NHLRC2: variants seen among roughly 807,000 people sequenced by gnomAD.
The protein encoded by NHLRC2 is NHL repeat containing 2, also known as NHL repeat-containing protein 2.
In NHLRC2, 33 loss-of-function variants were observed where a neutral mutation model predicts 68.1. The observed-to-expected ratio is 0.48, with a 90% CI of 0.37 to 0.65. The LOEUF (loss-of-function observed/expected upper bound fraction) is 0.65. Ranked by LOEUF, NHLRC2 falls within the 30% of genes least tolerant of loss-of-function variation. NHLRC2 has a pLI of 0.00. For synonymous variants in NHLRC2, 311 were observed against 309.6 expected (o/e 1.00, Z -0.05); for missense variants, 761 against 853.8 (o/e 0.89, Z 1.35).
chr10:113,915,437 G>T lies in NHLRC2; in HGVS notation c.*6901G>T. 1 of 347,448 alleles carries T rather than the reference G, an allele frequency of 2.9e-6. No individual in the cohort carries two copies. Among genetic ancestry groups the T allele is most frequent in the Non-Finnish European group, 5.6e-6 (1 of 177,054 alleles). 21.5% of individuals were successfully genotyped at this position (347,448 alleles called of 1,614,324 possible). Reference sequence around the variant, plus strand: ...TAAGTAATATAGCATTAAGCAAATGGTCAGTTATTTTTTAATGTTGAAAAC... The same window carrying T: ...TAAGTAATATAGCATTAAGCAAATGTTCAGTTATTTTTTAATGTTGAAAAC... On this transcript the variant is annotated 3_prime_UTR_variant, in exon 11 of 11. Transcript: ENST00000369301.
chr10:113,871,734 G>A (rs1047080847), intron 2 of NHLRC2, among the ~76,000 whole-genome samples: 3 of 152,282 alleles, frequency 2.0e-5, no homozygotes, highest in African/African-American at 7.2e-5. Context: ...TTTGGAGGAG[G>A]ATGGTGGCTA....
At chr10:113,885,165 A>G (rs187719557) in intron 5 of NHLRC2, among the ~76,000 whole-genome samples, 92 of 152,006 alleles carry the variant, frequency 6.1e-4, no homozygotes, top group African/African-American at 2.0e-3. Flanking sequence ...CATTTGAGGT[A>G]ACTTTCTTTT....
chr10:113,875,960 G>A (rs1845975955), intron 2 of NHLRC2, among the ~76,000 whole-genome samples: 1 of 148,520 alleles, frequency 6.7e-6, no homozygotes. Context: ...GTATTGATTA[G>A]ATAAGAGAAG....
intron 5 of NHLRC2, among the ~76,000 whole-genome samples, chr10:113,897,059 A>C (rs1206848512): frequency 6.6e-6 from 1 of 152,134 alleles, no homozygotes; most frequent in Non-Finnish European, 1.5e-5. Flanking sequence ...AAACATTCCA[A>C]ATTAAGTTAG....
At chr10:113,905,219 C>T (rs1036527894) in intron 10 of NHLRC2, among the ~76,000 whole-genome samples, 183 bp downstream of exon 10, 2 of 152,120 alleles carry the variant, frequency 1.3e-5, no homozygotes, top group African/African-American at 2.4e-5. Flanking sequence ...GTCTTTCTTC[C>T]CTTTTATTAA....
chr10:113,862,817 G>C (rs531898429), intron 2 of NHLRC2, among the ~76,000 whole-genome samples: 6 of 152,182 alleles, frequency 3.9e-5, no homozygotes, highest in East Asian at 1.9e-4. Flanking sequence ...ATCTAAAAAG[G>C]TTACAAGAGA....
At chr10:113,861,618 G>C (rs908092891) in intron 2 of NHLRC2, among the ~76,000 whole-genome samples, 1 of 152,194 alleles carries the variant, frequency 6.6e-6, no homozygotes, top group Non-Finnish European at 1.5e-5. Context: ...AGCTAAGGGA[G>C]TTCATTAATA....
chr10:113,883,321 C>A (rs1336398455), intron 4 of NHLRC2, among the ~76,000 whole-genome samples: 1 of 151,776 alleles, frequency 6.6e-6, no homozygotes, highest in Non-Finnish European at 1.5e-5. Context: ...TAAGCATTAG[C>A]AATGATGGTG....
At position 113,903,689 on chromosome 10, in the gene NHLRC2, A is replaced by G. The variant is rs748179470; in HGVS notation, c.1657A>G (p.Asn553Asp). Reference sequence around the variant, plus strand: ...ATTATTATATGTAGCAGACACCAATAATCATCAAATTAAAGTGATGGATTT... The same window carrying G: ...ATTATTATATGTAGCAGACACCAATGATCATCAAATTAAAGTGATGGATTT... ...GELLYVADTNNHQIKVMDLET... is the reference protein window; with the variant it reads ...GELLYVADTNDHQIKVMDLET... Residue 553 changes from asparagine to aspartate, a missense_variant, in exon 9 of 11, where the codon AAT becomes GAT. Coordinates refer to ENST00000369301, the MANE Select transcript of NHLRC2 (RefSeq NM_198514.4). The G allele has an allele frequency of 6.3e-7, 1 of 1,597,572 alleles. No homozygotes were observed. The highest frequency in any genetic ancestry group is 8.6e-7 in the Non-Finnish European group (1 of 1,165,108).
chr10:113,878,435 C>G (rs892246738), intron 3 of NHLRC2, among the ~76,000 whole-genome samples: 1 of 152,164 alleles, frequency 6.6e-6, no homozygotes, highest in South Asian at 2.1e-4. Flanking sequence ...TTCCATTTTA[C>G]AGAAGTAAAA....
rs77278608 is a variant in NHLRC2 at position 113,861,763 on chromosome 10, C to T, written c.331+3083C>T. 5.5e-3 allele frequency among the ~76,000 whole-genome samples: 838 copies of T among 152,296 alleles called. 8 individuals carry two copies. Among genetic ancestry groups the T allele is most frequent in the African/African-American group, 0.019 (795 of 41,552 alleles). On this transcript the variant is annotated intron_variant, in intron 2 of 10. Transcript: ENST00000369301. ...TAGGCAAGTATAAAAACTAGTGTTA[C>T]TGTAACATTGGTATTTAACTCCACT...
chr10:113,900,876 C>G (rs1846221711), intron 6 of NHLRC2, among the ~76,000 whole-genome samples: 1 of 152,132 alleles, frequency 6.6e-6, no homozygotes, highest in South Asian at 2.1e-4. Context: ...ATGATTTACA[C>G]AGACTCTCAT....
intron 2 of NHLRC2, among the ~76,000 whole-genome samples, chr10:113,865,569 CT>C (rs76462363): frequency 0.027 from 1,458 of 54,938 alleles, 11 homozygotes; most frequent in African/African-American, 0.074. Flanking sequence ...GCTTTCTTTT[CT>C]TTTTTTTTTT....
Position 113,901,870 on chromosome 10 carries a change from C to A in NHLRC2, c.1344C>A (p.His448Gln), listed in dbSNP as rs539942915. 6.2e-7 allele frequency: 1 copy of A among 1,613,330 alleles called. No homozygotes were observed. Among genetic ancestry groups the A allele is most frequent in the South Asian group, 1.1e-5 (1 of 91,066 alleles). Reference protein sequence around the residue: ...TVSLKDGAVKHLVGGERDPMN... With the variant: ...TVSLKDGAVKQLVGGERDPMN... ...CACTGAAAGATGGAGCAGTGAAGCA[C>A]CTCGTAGGAGGAGAAAGAGACCCCA... The change falls in exon 7 of 11, where the codon CAC becomes CAA. Residue 448 changes from histidine (H) to glutamine (Q), a missense_variant. His to Gln is a conservative substitution (Grantham distance 24). Coordinates refer to ENST00000369301, the MANE Select transcript of NHLRC2 (RefSeq NM_198514.4).
Position 113,855,021 on chromosome 10 carries a change from A to G in NHLRC2, c.149A>G (p.Gln50Arg), listed in dbSNP as rs1478064983. 9.7e-6 allele frequency: 15 copies of G among 1,552,900 alleles called. No individual in the cohort carries two copies. Among genetic ancestry groups the G allele is most frequent in the Non-Finnish European group, 1.3e-5 (15 of 1,147,666 alleles). ...CTGCAGAAGGTGGACGGCTGGGAGCAGGACTTGTCAGTACCCGAGTTTCCG... is the reference window on the plus strand; with the variant it reads ...CTGCAGAAGGTGGACGGCTGGGAGCGGGACTTGTCAGTACCCGAGTTTCCG... ...QYLQKVDGWE[Q>R]DLSVPEFPEG... Residue 50 changes from glutamine (Q) to arginine (R), a missense_variant, in exon 1 of 11, where the codon CAG becomes CGG. Transcript: ENST00000369301.
intron 2 of NHLRC2, among the ~76,000 whole-genome samples, chr10:113,868,286 C>T (rs1564851287): frequency 6.6e-6 from 1 of 152,186 alleles, no homozygotes; most frequent in Non-Finnish European, 1.5e-5. Flanking sequence ...TCCTGTCTCC[C>T]TCTCTTCTTT....
chr10:113,890,150 T>C (rs1333204579), intron 5 of NHLRC2, among the ~76,000 whole-genome samples: 1 of 152,218 alleles, frequency 6.6e-6, no homozygotes, highest in Admixed American at 6.5e-5. Context: ...CCCAAATGTC[T>C]GTTGGGAGTC....
Position 113,915,459 on chromosome 10 carries a change from A to G in NHLRC2, c.*6923A>G. On this transcript the variant is annotated 3_prime_UTR_variant, in exon 11 of 11. Transcript: ENST00000369301. ...ATGGTCAGTTATTTTTTAATGTTGA[A>G]AACTTCCAAGTGTGAATAATACGGA... 1 of 347,306 alleles carries G rather than the reference A, an allele frequency of 2.9e-6. No individual in the cohort carries two copies. Among genetic ancestry groups the G allele is most frequent in the Non-Finnish European group, 5.6e-6 (1 of 177,106 alleles). 21.5% of individuals were successfully genotyped at this position (347,306 alleles called of 1,614,324 possible). A position where few individuals can be genotyped will look rare whatever the true frequency, so the allele number is the denominator to read the frequency against.
chr10:113,910,940 G>T lies in NHLRC2; in HGVS notation c.*2404G>T, dbSNP rs1846322942. The T allele has an allele frequency of 6.6e-6, 1 of 152,156 alleles. No individual in the cohort carries two copies. The highest frequency in any genetic ancestry group is 6.5e-5 in the Admixed American group (1 of 15,286). 9.4% of individuals were successfully genotyped at this position (152,156 alleles called of 1,614,324 possible). A position where few individuals can be genotyped will look rare whatever the true frequency, so the allele number is the denominator to read the frequency against. On this transcript the variant is annotated 3_prime_UTR_variant, in exon 11 of 11. Transcript: ENST00000369301. Reference sequence around the variant, plus strand: ...AATAAAATCACACTTAAGCAATATAGATAGGTTCCTAGAATTTATGACGAG... The same window carrying T: ...AATAAAATCACACTTAAGCAATATATATAGGTTCCTAGAATTTATGACGAG...
Sources: gnomAD v4.1 joint callset for allele counts (sites outside exome capture counted in the v4.1 genomes callset) on GRCh38, gnomAD v4.1.1 for gene constraint, MANE v1.5 for transcripts, NCBI Gene and HGNC (gene_info 2026-07-23, HGNC 2026-07-21) for gene names.